Variants in GTF3C1 observed in about 807,000 individuals in gnomAD.
GTF3C1 encodes general transcription factor IIIC subunit 1, also known as general transcription factor 3C polypeptide 1.
GTF3C1 carries 57 observed loss-of-function variants against 226.7 expected under a neutral mutation model. The observed-to-expected ratio is 0.25, with a 90% CI of 0.20 to 0.31. The LOEUF (loss-of-function observed/expected upper bound fraction) is 0.31. Among genes scored for constraint, GTF3C1 ranks in the 10% least tolerant of loss-of-function variants. The probability of loss-of-function intolerance (pLI) is 1.00; values close to 1 mark genes in which losing one functional copy is unlikely to be tolerated. For missense variants in GTF3C1, 2,217 were observed against 2,776.1 expected (o/e 0.80, Z 4.53); for synonymous variants, 1,090 against 1,084.8 (o/e 1.00, Z -0.09).
Position 27,508,669 on chromosome 16 carries a change from T to C in GTF3C1, c.1127-14A>G. On this transcript the variant is annotated splice_polypyrimidine_tract_variant and intron_variant, in intron 7 of 36. Transcript: ENST00000356183. ...CTCTGCGCTCAACTGTGAGAAACAA[T>C]ACACGTGAACCCAAACCGCTGCAAA... The C allele has an allele frequency of 6.3e-7, 1 of 1,597,086 alleles. No individual in the cohort carries two copies. The highest frequency in any genetic ancestry group is 1.3e-5 in the African/African-American group (1 of 74,712).
intron 14 of GTF3C1, among the ~76,000 whole-genome samples, chr16:27,495,693 A>C (rs1219963156): frequency 1.3e-5 from 2 of 152,256 alleles, no homozygotes; most frequent in Admixed American, 1.3e-4. Flanking sequence ...AGACGAAAAC[A>C]GCTGGTGCAG....
At chr16:27,481,400 C>T (rs904831947) in intron 26 of GTF3C1, among the ~76,000 whole-genome samples, 1 of 152,114 alleles carries the variant, frequency 6.6e-6, no homozygotes, top group Non-Finnish European at 1.5e-5. Flanking sequence ...CTCACCACTA[C>T]GCTCAGGAAA....
In GTF3C1 at chr16:27,491,424, G is replaced by A. The variant is rs115158426; in HGVS notation, c.3151+914C>T. 7.2e-3 allele frequency among the ~76,000 whole-genome samples: 1,099 copies of A among 152,250 alleles called. 16 individuals carry two copies. Among genetic ancestry groups the A allele is most frequent in the African/African-American group, 0.025 (1,041 of 41,544 alleles). On this transcript the variant is annotated intron_variant, in intron 19 of 36. Transcript: ENST00000356183. ...ATTTGATCCACATTTACAGGATGCCGACTGTGCACCCGACACTTTGCGACA... is the reference window on the plus strand; with the variant it reads ...ATTTGATCCACATTTACAGGATGCCAACTGTGCACCCGACACTTTGCGACA...
intron 2 of GTF3C1, among the ~76,000 whole-genome samples, chr16:27,544,014 A>C (rs1255111152): frequency 6.6e-6 from 1 of 152,204 alleles, no homozygotes; most frequent in African/African-American, 2.4e-5. Flanking sequence ...ACAGCCAGTT[A>C]CAAGGGATTT....
chr16:27,528,055 C>A (rs1228564899), intron 6 of GTF3C1, among the ~76,000 whole-genome samples: 4 of 151,988 alleles, frequency 2.6e-5, no homozygotes, highest in Admixed American at 6.5e-5. Context: ...GAGTGGATCA[C>A]CTGAGGTCAG....
intron 10 of GTF3C1, among the ~76,000 whole-genome samples, chr16:27,504,243 G>C (rs918729524): frequency 1.3e-5 from 2 of 152,206 alleles, no homozygotes; most frequent in Non-Finnish European, 2.9e-5. Flanking sequence ...GAGAGGAAGA[G>C]CTGAACTGGA....
At chr16:27,496,410 G>T (rs993407452) in intron 14 of GTF3C1, among the ~76,000 whole-genome samples, 1 of 152,154 alleles carries the variant, frequency 6.6e-6, no homozygotes, top group African/African-American at 2.4e-5. Context: ...AGTTTTTGTT[G>T]TTTATTGTTG....
intron 5 of GTF3C1, among the ~76,000 whole-genome samples, chr16:27,532,006 G>A (rs751811795): frequency 3.9e-5 from 6 of 152,142 alleles, no homozygotes; most frequent in African/African-American, 7.2e-5. Flanking sequence ...GCCTCATGTC[G>A]GAGAGGTGAC....
intron 6 of GTF3C1, among the ~76,000 whole-genome samples, chr16:27,519,710 A>G (rs1461241681): frequency 6.6e-6 from 1 of 152,224 alleles, no homozygotes; most frequent in African/African-American, 2.4e-5. Flanking sequence ...AAAAGAGAAA[A>G]GCAAACAAAA....
At chr16:27,530,947 CCT>C (rs1172621616) in intron 5 of GTF3C1, among the ~76,000 whole-genome samples, 1 of 152,330 alleles carries the variant, frequency 6.6e-6, no homozygotes, top group Admixed American at 6.5e-5. Context: ...CTCACCACGT[CCT>C]GTTAGTTTCA....
At chr16:27,533,487 C>T (rs1317531545) in intron 4 of GTF3C1, 100 bp from the exon 5 acceptor site, 2 of 688,074 alleles carry the variant, frequency 2.9e-6, no homozygotes, top group Non-Finnish European at 5.3e-6. Context: ...TTGACTTAAT[C>T]ATTTTACAAT....
chr16:27,487,367 T>A (rs1462134257), intron 23 of GTF3C1, among the ~76,000 whole-genome samples: 1 of 152,220 alleles, frequency 6.6e-6, no homozygotes, highest in East Asian at 1.9e-4. Context: ...TGTGGACCAC[T>A]TAGGCAATAT....
intron 15 of GTF3C1, 49 bp downstream of exon 15, chr16:27,495,162 A>T (rs990669845): frequency 3.5e-5 from 49 of 1,395,528 alleles, no homozygotes; most frequent in Non-Finnish European, 4.6e-5. Context: ...CCTGGATCCT[A>T]CTACTGGGCC....
chr16:27,524,021 C>T (rs1280010360), intron 6 of GTF3C1, among the ~76,000 whole-genome samples: 1 of 152,216 alleles, frequency 6.6e-6, no homozygotes, highest in Admixed American at 6.5e-5. Context: ...GGAAAGTCCT[C>T]TTGTCCCAGC....
At chr16:27,482,960 C>A in intron 26 of GTF3C1, 84 bp downstream of exon 26, 1 of 1,113,152 alleles carries the variant, frequency 9.0e-7, no homozygotes, top group East Asian at 2.4e-5. Flanking sequence ...CTGGCAGGGG[C>A]ACTGTGGGAT....
In GTF3C1 at chr16:27,510,047, G is replaced by A. The variant is rs114672414; in HGVS notation, c.1127-1392C>T. On this transcript the variant is annotated intron_variant, in intron 7 of 36. Coordinates refer to ENST00000356183, the MANE Select transcript of GTF3C1 (RefSeq NM_001520.4). ...GTGGATCACCTGAGGTTAGGAGTTC[G>A]AGACCCACCTGACCAGCATGATGAA... Among the ~76,000 whole-genome samples, 1,057 of 152,212 alleles carry A rather than the reference G, an allele frequency of 6.9e-3. 16 individuals are homozygous for A. Among genetic ancestry groups the A allele is most frequent in the African/African-American group, 0.024 (1,003 of 41,530 alleles).
chr16:27,461,517 G>C lies in GTF3C1; in HGVS notation c.6163C>G (p.Pro2055Ala), dbSNP rs1279987239. The change falls in exon 37 of 37, where the codon CCA becomes GCA. Residue 2055 changes from proline (P) to alanine (A), a missense_variant. This residue lies in a region of GTF3C1 where 153 missense variants were observed against 199.8 expected (regional missense o/e 0.77). Coordinates refer to ENST00000356183, the MANE Select transcript of GTF3C1 (RefSeq NM_001520.4). This position sits in a 1 kb window ranked among gnomAD's most constrained non-coding sequence, Gnocchi z 5.3. ...GTAGAGAAGAGCGAGACAGGCCTTGGCTTTCTCAGCCAGCGCTTCCGGATG... is the reference window on the plus strand; with the variant it reads ...GTAGAGAAGAGCGAGACAGGCCTTGCCTTTCTCAGCCAGCGCTTCCGGATG... ...GCIRKRWLRK[P>A]RPVSLFSTPV... 1 of 1,613,818 alleles carries C rather than the reference G, an allele frequency of 6.2e-7. No homozygotes were observed. The highest frequency in any genetic ancestry group is 8.5e-7 in the Non-Finnish European group (1 of 1,179,968).
intron 6 of GTF3C1, among the ~76,000 whole-genome samples, chr16:27,523,543 A>T (rs1210315181): frequency 6.6e-6 from 1 of 152,182 alleles, no homozygotes; most frequent in Admixed American, 6.5e-5. Flanking sequence ...AAAAACCCTG[A>T]AAACTGCCTT....
At position 27,492,353 on chromosome 16, in the gene GTF3C1, G is replaced by C. The variant is rs753943323; in HGVS notation, c.3136C>G (p.Leu1046Val). The change falls in exon 19 of 37, where the codon CTC becomes GTC. Residue 1046 changes from leucine (L) to valine (V), a missense_variant. Around this residue, in one of 12 missense-constraint regions of GTF3C1, gnomAD observed 353 missense variants for 411.7 expected, o/e 0.86. Transcript: ENST00000356183. The surrounding 1 kb of genome is among the most constrained non-coding windows in gnomAD (Gnocchi z 5.0). ...NYWFDLQCVC[L>V]NTPLGVVRCP... The stretch of plus-strand genomic sequence containing the variant: ...CGACACCCACCTAGTGGGGTGTTGA[G>C]GCAGACGCACTGCAGGTCAAACCAG... The C allele has an allele frequency of 6.3e-7, 1 of 1,599,378 alleles. No homozygotes were observed. The highest frequency in any genetic ancestry group is 8.5e-7 in the Non-Finnish European group (1 of 1,169,746).
Sources: gnomAD v4.1 joint callset for allele counts (sites outside exome capture counted in the v4.1 genomes callset) on GRCh38, gnomAD v4.1.1 for gene constraint, gnomAD v4.1.1 regional missense constraint, Gnocchi (gnomAD v3.1) non-coding constraint, MANE v1.5 for transcripts, NCBI Gene and HGNC (gene_info 2026-07-23, HGNC 2026-07-21) for gene names.